The following CC2D2B variants were observed in gnomAD, a reference collection of about 807,000 sequenced individuals.
CC2D2B encodes the protein protein CC2D2B.
In CC2D2B, 128 loss-of-function variants were observed where a neutral mutation model predicts 161.2. That is an observed-to-expected ratio of 0.79 (90% CI 0.69 to 0.92). CC2D2B has a LOEUF of 0.92. CC2D2B is among the 40% of genes least tolerant of loss of function. CC2D2B has a pLI of 0.00. For synonymous variants in CC2D2B, 391 were observed against 449.8 expected (o/e 0.87, Z 1.65); for missense variants, 1,173 against 1,375.1 (o/e 0.85, Z 2.32).
In CC2D2B at chr10:95,924,860, CTTTT is replaced by C. The variant is rs1263943394; in HGVS notation, c.240+20_240+23del. 1.3e-6 allele frequency: 2 copies of C among 1,502,344 alleles called. No individual in the cohort carries two copies. The highest frequency in any genetic ancestry group is 1.4e-5 in the African/African-American group (1 of 71,940). The allele number at this position is 1,502,344 out of a possible 1,614,324, so 93.1% of individuals were successfully genotyped here. A position where few individuals can be genotyped will look rare whatever the true frequency, so the allele number is the denominator to read the frequency against. ...AAGGTCCAAGGTGAATAACTTTTCT[CTTTT>C]TTTACTTTTTAAAACAGCTTTATGG... On this transcript the variant is annotated intron_variant, in intron 5 of 34. Coordinates refer to ENST00000646931, the MANE Select transcript of CC2D2B (RefSeq NM_001349008.3).
chr10:96,016,316 T>G lies in CC2D2B; in HGVS notation c.3630+2T>G. The G allele has an allele frequency of 6.5e-7, 1 of 1,547,174 alleles. No homozygotes were observed. Among genetic ancestry groups the G allele is most frequent in the Non-Finnish European group, 8.9e-7 (1 of 1,119,056 alleles). On this transcript the variant is annotated splice_donor_variant, in intron 30 of 34. Transcript: ENST00000646931. LOFTEE classifies it high-confidence loss of function. ...CTCTTGGGAACGTCAGTGTTAGAAG[T>G]AAGTGCTGGAGTTCATATTGAAATA...
chr10:95,973,705 C>T (rs1438094161), intron 16 of CC2D2B, among the ~76,000 whole-genome samples: 2 of 151,690 alleles, frequency 1.3e-5, no homozygotes, highest in South Asian at 2.1e-4. Flanking sequence ...CTAAAAAATA[C>T]AAAAAATTAG....
rs181762058 is a variant in CC2D2B, at chr10:96,019,868, T to G, written c.3888+44T>G. 39 of 1,536,192 alleles carry G rather than the reference T, an allele frequency of 2.5e-5. No individual in the cohort carries two copies. The Admixed American group carries it at 7.8e-4, about 31-fold the overall frequency. On this transcript the variant is annotated intron_variant, in intron 32 of 34. Coordinates refer to ENST00000646931, the MANE Select transcript of CC2D2B (RefSeq NM_001349008.3). Reference sequence around the variant, plus strand: ...GGGGTGTCTGTATGAGAGTTACCATTGCTTCTAATCTTTACTAATTGTGAC... The same window carrying G: ...GGGGTGTCTGTATGAGAGTTACCATGGCTTCTAATCTTTACTAATTGTGAC...
chr10:96,011,909 A>G (rs926129248), intron 26 of CC2D2B, among the ~76,000 whole-genome samples: 1 of 152,134 alleles, frequency 6.6e-6, no homozygotes, highest in Non-Finnish European at 1.5e-5. Context: ...TAAGAGCTTT[A>G]TCGCTGGTAT....
At chr10:95,991,240 G>A (rs1227536303) in intron 20 of CC2D2B, 130 bp from the exon 21 acceptor site, 3 of 341,752 alleles carry the variant, frequency 8.8e-6, no homozygotes, top group Non-Finnish European at 1.6e-5. Flanking sequence ...ATTTTCACTT[G>A]TCTAATCTCC....
intron 11 of CC2D2B, 143 bp from the exon 12 acceptor site, chr10:95,961,686 G>A (rs2076768355): frequency 7.4e-6 from 3 of 405,666 alleles, no homozygotes; most frequent in Non-Finnish European, 1.3e-5. Flanking sequence ...ATAGTAAGAT[G>A]GCGTTCAGAT....
chr10:95,932,978 C>G (rs759816279), intron 6 of CC2D2B, among the ~76,000 whole-genome samples: 2 of 141,398 alleles, frequency 1.4e-5, no homozygotes, highest in Non-Finnish European at 3.0e-5. Context: ...AGAGTGTTTT[C>G]CAACTCAGTT....
chr10:95,996,246 AT>A lies in CC2D2B; in HGVS notation c.2847del (p.Phe949LeufsTer16). The A allele has an allele frequency of 7.0e-7, 1 of 1,420,530 alleles. No homozygotes were observed. The highest frequency in any genetic ancestry group is 1.4e-5 in the South Asian group (1 of 70,516). The allele number at this position is 1,420,530 out of a possible 1,614,324, so 88.0% of individuals were successfully genotyped here. On this transcript the variant is annotated frameshift_variant, in exon 24 of 35. Coordinates refer to ENST00000646931, the MANE Select transcript of CC2D2B (RefSeq NM_001349008.3). LOFTEE classifies it high-confidence loss of function. ...HPCWNEEIKV[D>X]FVSPGHDYSF... ...TGCTGGAATGAAGAAATTAAAGTAG[AT>A]TTTGTGTAAGTTGGAGTTCATTTTT...
intron 15 of CC2D2B, among the ~76,000 whole-genome samples, chr10:95,971,293 GC>G (rs1364433268): frequency 6.6e-6 from 1 of 151,446 alleles, no homozygotes; most frequent in Non-Finnish European, 1.5e-5. Context: ...GGAGGCTGAG[GC>G]AGGAGAATTG....
At chr10:96,002,374 A>G (rs2141778373) in intron 24 of CC2D2B, among the ~76,000 whole-genome samples, 1 of 152,216 alleles carries the variant, frequency 6.6e-6, no homozygotes, top group South Asian at 2.1e-4. Context: ...AATAAATAAT[A>G]TTTATAAGTA....
At chr10:95,995,601 C>G (rs1239593763) in intron 23 of CC2D2B, among the ~76,000 whole-genome samples, 1 of 152,196 alleles carries the variant, frequency 6.6e-6, no homozygotes, top group Non-Finnish European at 1.5e-5. Flanking sequence ...GGCATCTGGC[C>G]CATGCCTACA....
intron 1 of CC2D2B, among the ~76,000 whole-genome samples, chr10:95,910,988 G>C (rs2098505381): frequency 6.6e-6 from 1 of 151,758 alleles, no homozygotes; most frequent in Admixed American, 6.6e-5. Flanking sequence ...TTCTAATTAT[G>C]TCTAAACTTT....
Position 96,012,621 on chromosome 10 carries a change from T to C in CC2D2B, c.3318T>C (p.Thr1106=). 6.2e-7 allele frequency: 1 copy of C among 1,611,732 alleles called. No homozygotes were observed. The highest frequency in any genetic ancestry group is 1.3e-5 in the African/African-American group (1 of 74,998). The change falls in exon 28 of 35, where the codon ACT becomes ACC. Residue 1106 remains threonine, a synonymous_variant. Transcript: ENST00000646931. The part of the protein sequence containing the change: ...AMFPNRRIVT[T]VFNDEGIQFL... ...TTCCCAACCGAAGAATCGTAACTACTGTTTTTAATGATGAAGGGATACAGT... is the reference window on the plus strand; with the variant it reads ...TTCCCAACCGAAGAATCGTAACTACCGTTTTTAATGATGAAGGGATACAGT...
chr10:95,938,212 T>C, intron 7 of CC2D2B, 23 bp downstream of exon 7: 1 of 1,462,856 alleles, frequency 6.8e-7, no homozygotes. Context: ...CCCAGTAAAA[T>C]ATTCAAGTCA....
rs1306672262 is a variant in CC2D2B, at chr10:96,032,826, A to G, written c.*818A>G. The G allele has an allele frequency of 4.3e-6, 2 of 467,798 alleles. No individual in the cohort carries two copies. Among genetic ancestry groups the G allele is most frequent in the Non-Finnish European group, 8.9e-6 (2 of 225,896 alleles). 29.0% of individuals were successfully genotyped at this position (467,798 alleles called of 1,614,324 possible). A position where few individuals can be genotyped will look rare whatever the true frequency, so the allele number is the denominator to read the frequency against. On this transcript the variant is annotated 3_prime_UTR_variant, in exon 35 of 35. Coordinates refer to ENST00000646931, the MANE Select transcript of CC2D2B (RefSeq NM_001349008.3). The stretch of plus-strand genomic sequence containing the variant: ...GTGAGGGAGGAAATGGTCTTGACAA[A>G]TCTCAGGACTCTTTTTTTCCTTAGT...
At chr10:95,951,643 T>G (rs1006215765) in intron 10 of CC2D2B, among the ~76,000 whole-genome samples, 2 of 152,230 alleles carry the variant, frequency 1.3e-5, no homozygotes, top group Admixed American at 6.5e-5. Flanking sequence ...AAAAAGTGAT[T>G]TGATCTACAG....
At position 96,016,333 on chromosome 10, in the gene CC2D2B, A is replaced by G. The variant is rs948885603; in HGVS notation, c.3630+19A>G. Reference sequence around the variant, plus strand: ...GTTAGAAGTAAGTGCTGGAGTTCATATTGAAATAATGTAAGCAAAAGGAAA... The same window carrying G: ...GTTAGAAGTAAGTGCTGGAGTTCATGTTGAAATAATGTAAGCAAAAGGAAA... On this transcript the variant is annotated intron_variant, in intron 30 of 34. Transcript: ENST00000646931. 8 of 1,448,040 alleles carry G rather than the reference A, an allele frequency of 5.5e-6. No homozygotes were observed. The highest frequency in any genetic ancestry group is 7.8e-6 in the Non-Finnish European group (8 of 1,028,798). The allele number at this position is 1,448,040 out of a possible 1,614,324, so 89.7% of individuals were successfully genotyped here.
At chr10:95,959,379 C>A (rs1803068659) in intron 11 of CC2D2B, among the ~76,000 whole-genome samples, 1 of 152,158 alleles carries the variant, frequency 6.6e-6, no homozygotes, top group African/African-American at 2.4e-5. Context: ...GCCTGGTAAT[C>A]TGTGTTTAGC....
chr10:95,927,702 CTTTCT>C (rs2098541910), intron 6 of CC2D2B, among the ~76,000 whole-genome samples: 1 of 150,586 alleles, frequency 6.6e-6, no homozygotes, highest in South Asian at 2.1e-4. Flanking sequence ...TTCTTTCTTT[CTTTCT>C]TTTTTTTTTT....
Sources: allele counts gnomAD v4.1 joint callset (sites outside exome capture counted in the v4.1 genomes callset), GRCh38; gene constraint gnomAD v4.1.1; transcripts MANE v1.5; gene names NCBI Gene and HGNC (gene_info 2026-07-23, HGNC 2026-07-21).